ELSPBP1: variants seen among roughly 807,000 people sequenced by gnomAD.
ELSPBP1 encodes epididymal sperm binding protein 1.
Under a neutral mutation model 33.3 loss-of-function variants are expected in ELSPBP1, and 38 were observed. The observed-to-expected ratio is 1.14, with a 90% CI of 0.88 to 1.50. ELSPBP1 has a LOEUF of 1.50. Ranked by LOEUF, ELSPBP1 falls within the 40% of genes most tolerant of loss-of-function variation. ELSPBP1 has a pLI of 0.00. For synonymous variants in ELSPBP1, 85 were observed against 94.1 expected, an observed-to-expected ratio of 0.90 and a Z score of 0.56; for missense variants, 267 against 263.5, an observed-to-expected ratio of 1.01 and a Z score of -0.09.
chr19:48,011,498 GATA>G lies in ELSPBP1; in HGVS notation c.71-2670_71-2668del, dbSNP rs1341207175. ...GAGGTTGATGATAATGACAATGACT[GATA>G]ATGATGATGACAATGATGATGACAA... On this transcript the variant is annotated intron_variant, in intron 2 of 6. Transcript: ENST00000339841. This position sits in a 1 kb window ranked among gnomAD's most constrained non-coding sequence, Gnocchi z 4.5. Among the ~76,000 whole-genome samples, 10 of 151,138 alleles carry G rather than the reference GATA, an allele frequency of 6.6e-5. No homozygotes were observed. The highest frequency in any genetic ancestry group is 2.1e-4 in the South Asian group (1 of 4,772).
intron 1 of ELSPBP1, among the ~76,000 whole-genome samples, chr19:47,998,520 C>T (rs1413806698): frequency 1.3e-5 from 2 of 152,146 alleles, no homozygotes; most frequent in South Asian, 2.1e-4. Context: ...GGCGCGGTGG[C>T]TCACGCCTGT....
In ELSPBP1 at chr19:48,011,239, A is replaced by T. The variant is rs1967074266; in HGVS notation, c.70+2502A>T. On this transcript the variant is annotated intron_variant, in intron 2 of 6. Coordinates refer to ENST00000339841, the MANE Select transcript of ELSPBP1 (RefSeq NM_022142.5). The surrounding 1 kb of genome is among the most constrained non-coding windows in gnomAD (Gnocchi z 4.5). ...AATGACAATAATGGGGTTGATGATGATGATGACAATGATTGATAATGATGA... is the reference window on the plus strand; with the variant it reads ...AATGACAATAATGGGGTTGATGATGTTGATGACAATGATTGATAATGATGA... Among the ~76,000 whole-genome samples the T allele has an allele frequency of 6.6e-6, 1 of 152,012 alleles. No individual in the cohort carries two copies. Among genetic ancestry groups the T allele is most frequent in the South Asian group, 2.1e-4 (1 of 4,810 alleles).
intron 1 of ELSPBP1, among the ~76,000 whole-genome samples, chr19:48,000,694 G>A (rs1427339904): frequency 1.3e-5 from 2 of 152,194 alleles, no homozygotes; most frequent in Non-Finnish European, 2.9e-5. Flanking sequence ...CCATTGTGGA[G>A]ATGAGGACTC....
chr19:48,023,416 GAGGGAGGGAAGGAGGA>G (rs1967227880), intron 6 of ELSPBP1, among the ~76,000 whole-genome samples: 1 of 123,480 alleles, frequency 8.1e-6, no homozygotes, highest in East Asian at 3.0e-4. Context: ...AGGGAGGAGG[GAGGGAGGGAAGGAGGA>G]AGGGAGAAAG....
intron 1 of ELSPBP1, among the ~76,000 whole-genome samples, chr19:48,000,862 G>A (rs1242511193): frequency 1.3e-5 from 2 of 152,176 alleles, no homozygotes; most frequent in Non-Finnish European, 2.9e-5. Flanking sequence ...GTTTTATGTG[G>A]CAGGCAGGGT....
rs1213029304 is a variant in ELSPBP1 at position 48,023,566 on chromosome 19, AG to A, written c.*7+1235del. 6.5e-5 allele frequency among the ~76,000 whole-genome samples: 8 copies of A among 123,456 alleles called. No individual in the cohort carries two copies. In the South Asian group the frequency reaches 2.0e-3, roughly 31 times the overall value. 81.0% of individuals were successfully genotyped at this position (123,456 alleles called of 152,430 possible). ...AAGGAAGAAAAGGGAAGGGAAAGGA[AG>A]GGAAGGAAGGGAGGGAGGAAGGAAG... On this transcript the variant is annotated intron_variant, in intron 6 of 6. Transcript: ENST00000339841.
intron 6 of ELSPBP1, among the ~76,000 whole-genome samples, chr19:48,022,572 C>A (rs1484856084): frequency 6.6e-6 from 1 of 152,080 alleles, no homozygotes; most frequent in Non-Finnish European, 1.5e-5. Context: ...AACAACTCCC[C>A]AGATTAGAAG....
At position 48,016,023 on chromosome 19, in the gene ELSPBP1, A is replaced by T; in HGVS notation, c.339A>T (p.Lys113Asn). 1.9e-6 allele frequency: 3 copies of T among 1,613,494 alleles called. No individual in the cohort carries two copies. ...TSVFDEKQQW[K>N]FCETNEYGGN... The stretch of plus-strand genomic sequence containing the variant: ...TCTTCGATGAGAAACAGCAGTGGAA[A>T]TTCTGTGAAACGAATGGTGAGCCCC... The change falls in exon 4 of 7, where the codon AAA becomes AAT. Residue 113 changes from lysine (K) to asparagine (N), a missense_variant. Lys to Asn is a moderately conservative substitution (Grantham distance 94). Coordinates refer to ENST00000339841, the MANE Select transcript of ELSPBP1 (RefSeq NM_022142.5).
chr19:48,016,205 G>T (rs1432004883), intron 4 of ELSPBP1, among the ~76,000 whole-genome samples, 166 bp downstream of exon 4: 1 of 152,168 alleles, frequency 6.6e-6, no homozygotes, highest in African/African-American at 2.4e-5. Context: ...GACAGACAGG[G>T]GTATCCCGAG....
At position 48,016,013 on chromosome 19, in the gene ELSPBP1, A is replaced by G. The variant is rs144036611; in HGVS notation, c.329A>G (p.Gln110Arg). The G allele has an allele frequency of 6.2e-7, 1 of 1,613,654 alleles. No individual in the cohort carries two copies. Among genetic ancestry groups the G allele is most frequent in the African/African-American group, 1.3e-5 (1 of 74,922 alleles). The change falls in exon 4 of 7, where the codon CAG becomes CGG. Residue 110 changes from glutamine to arginine, a missense_variant. By Grantham distance (43) the Gln-to-Arg change is conservative (BLOSUM62 1). Transcript: ENST00000339841. ...CSVTSVFDEK[Q>R]QWKFCETNEY... ...GTCACCTCTGTCTTCGATGAGAAAC[A>G]GCAGTGGAAATTCTGTGAAACGAAT...
intron 1 of ELSPBP1, among the ~76,000 whole-genome samples, chr19:47,997,097 A>T (rs1471670453): frequency 6.6e-6 from 1 of 152,188 alleles, no homozygotes; most frequent in African/African-American, 2.4e-5. Flanking sequence ...CACCACTGAA[A>T]CATCCACACA....
intron 1 of ELSPBP1, among the ~76,000 whole-genome samples, chr19:47,998,057 T>C (rs1006352242): frequency 6.6e-6 from 1 of 152,154 alleles, no homozygotes; most frequent in Admixed American, 6.6e-5. Flanking sequence ...GGTTTGCTAG[T>C]GTCACCATCT....
In ELSPBP1 at chr19:48,008,226, A is replaced by ATATGTGTG. The variant is rs552482107; in HGVS notation, c.-17-423_-17-416dup. On this transcript the variant is annotated intron_variant, in intron 1 of 6. Transcript: ENST00000339841. ...GTAGAAACATATGTGTGTGTGTGGTATATGTGTGTGTATGTGTGTATTTAG... is the reference window on the plus strand; with the variant it reads ...GTAGAAACATATGTGTGTGTGTGGTATATGTGTGTATGTGTGTGTATGTGTGTATTTAG... Among the ~76,000 whole-genome samples, 196 of 151,856 alleles carry ATATGTGTG rather than the reference A, an allele frequency of 1.3e-3. 1 individual carries two copies. The highest frequency in any genetic ancestry group is 4.7e-3 in the African/African-American group (194 of 41,462).
At chr19:48,005,935 G>A (rs1474972417) in intron 1 of ELSPBP1, among the ~76,000 whole-genome samples, 2 of 152,086 alleles carry the variant, frequency 1.3e-5, no homozygotes, top group African/African-American at 4.8e-5. Context: ...ATAGTGTGTA[G>A]CACTCAATGA....
intron 1 of ELSPBP1, among the ~76,000 whole-genome samples, chr19:48,007,909 G>A (rs1967038200): frequency 6.6e-6 from 1 of 152,160 alleles, no homozygotes; most frequent in South Asian, 2.1e-4. Flanking sequence ...AAAGTGTGTT[G>A]AACATCGAGC....
At chr19:48,001,633 C>T (rs1819857144) in intron 1 of ELSPBP1, among the ~76,000 whole-genome samples, 1 of 152,054 alleles carries the variant, frequency 6.6e-6, no homozygotes, top group Admixed American at 6.6e-5. Context: ...GCCTCAAAAC[C>T]CTGGGTGCAA....
chr19:48,019,837 C>T lies in ELSPBP1; in HGVS notation c.474C>T (p.Asn158=). The T allele has an allele frequency of 6.2e-7, 1 of 1,610,726 alleles. No homozygotes were observed. Among genetic ancestry groups the T allele is most frequent in the Non-Finnish European group, 8.5e-7 (1 of 1,177,982 alleles). ...AGCTCTGGTGCCCAACCACAGAGAA[C>T]ATGGATAAGGATGGAAAGTGGAGTT... ...SNKLWCPTTE[N]MDKDGKWSFC... The change falls in exon 5 of 7, where the codon AAC becomes AAT. Residue 158 remains asparagine, a synonymous_variant. Coordinates refer to ENST00000339841, the MANE Select transcript of ELSPBP1 (RefSeq NM_022142.5).
At position 48,016,568 on chromosome 19, in the gene ELSPBP1, C is replaced by CTTCT. The variant is rs1568407572; in HGVS notation, c.355+530_355+531insTCTT. Among the ~76,000 whole-genome samples the CTTCT allele has an allele frequency of 2.8e-4, 14 of 50,644 alleles. 2 individuals carry two copies. The East Asian group carries it at 3.0e-3, about 11-fold the overall frequency. The allele number at this position is 50,644 out of a possible 152,430, so 33.2% of individuals were successfully genotyped here. Reference sequence around the variant, plus strand: ...CCTTCCTTCCTTCCTTCCTTCCTTCCTCCCTTCATCTCTCTCTTTCTTTCT... The same window carrying CTTCT: ...CCTTCCTTCCTTCCTTCCTTCCTTCCTTCTTCCCTTCATCTCTCTCTTTCTTTCT... On this transcript the variant is annotated intron_variant, in intron 4 of 6. Transcript: ENST00000339841.
intron 6 of ELSPBP1, among the ~76,000 whole-genome samples, chr19:48,022,931 G>C (rs952461227): frequency 3.3e-5 from 5 of 151,638 alleles, no homozygotes; most frequent in Non-Finnish European, 7.4e-5. Context: ...CACATCTGTA[G>C]TCCCAGCTAC....
Sources: gnomAD v4.1 joint callset for allele counts (sites outside exome capture counted in the v4.1 genomes callset) on GRCh38, gnomAD v4.1.1 for gene constraint, Gnocchi (gnomAD v3.1) non-coding constraint, MANE v1.5 for transcripts, NCBI Gene and HGNC (gene_info 2026-07-23, HGNC 2026-07-21) for gene names.